The following CLEC11A variants were observed in gnomAD, a reference collection of about 807,000 sequenced individuals.
CLEC11A encodes the protein C-type lectin domain containing 11A.
Under a neutral mutation model 33.9 loss-of-function variants are expected in CLEC11A, and 35 were observed. That is an observed-to-expected ratio of 1.03 (90% CI 0.79 to 1.37). The LOEUF is 1.37. CLEC11A is among the 40% of genes most tolerant of loss of function. The probability of loss-of-function intolerance (pLI) is 0.00; values close to 1 mark genes in which losing one functional copy is unlikely to be tolerated. For synonymous variants in CLEC11A, 220 were observed against 202.2 expected (o/e 1.09, Z -0.75); for missense variants, 519 against 455.5 (o/e 1.14, Z -1.27).
At position 50,723,401 on chromosome 19, in the gene CLEC11A, G is replaced by A. The variant is rs2089156903; in HGVS notation, c.-125G>A. On this transcript the variant is annotated 5_prime_UTR_variant, in exon 1 of 4. Coordinates refer to ENST00000250340, the MANE Select transcript of CLEC11A (RefSeq NM_002975.3). This position sits in a 1 kb window ranked among gnomAD's most constrained non-coding sequence, Gnocchi z 4.1. Reference sequence around the variant, plus strand: ...AGGAACAGGAAGAGAGAAGCTGGGAGAATCGGGAACCTGGGGGCTAGTGAC... The same window carrying A: ...AGGAACAGGAAGAGAGAAGCTGGGAAAATCGGGAACCTGGGGGCTAGTGAC... The A allele has an allele frequency of 3.2e-6, 3 of 928,206 alleles. No homozygotes were observed. The highest frequency in any genetic ancestry group is 3.0e-5 in the South Asian group (2 of 66,668). The allele number at this position is 928,206 out of a possible 1,614,324, so 57.5% of individuals were successfully genotyped here.
In CLEC11A at chr19:50,724,307, G is replaced by GC; in HGVS notation, c.335-101dup. On this transcript the variant is annotated intron_variant, in intron 2 of 3. Coordinates refer to ENST00000250340, the MANE Select transcript of CLEC11A (RefSeq NM_002975.3). This position sits in a 1 kb window ranked among gnomAD's most constrained non-coding sequence, Gnocchi z 4.1. ...AGGAGTCCGGGGTGCCCCCCCCACC[G>GC]CCACCCCGCCCTCAGGAGCCCTAGA... 2.1e-6 allele frequency: 1 copy of GC among 476,460 alleles called. No individual in the cohort carries two copies. Among genetic ancestry groups the GC allele is most frequent in the Non-Finnish European group, 3.3e-6 (1 of 301,716 alleles). 29.5% of individuals were successfully genotyped at this position (476,460 alleles called of 1,614,324 possible).
Position 50,724,554 on chromosome 19 carries a change from T to G in CLEC11A, c.479T>G (p.Leu160Arg). 1 of 1,505,144 alleles carries G rather than the reference T, an allele frequency of 6.6e-7. No homozygotes were observed. Among genetic ancestry groups the G allele is most frequent in the Non-Finnish European group, 8.8e-7 (1 of 1,131,058 alleles). 93.2% of individuals were successfully genotyped at this position (1,505,144 alleles called of 1,614,324 possible). ...AGDTRDAVQA[L>R]QEAQGRAERE... ...GACACCCGCGATGCCGTGCAAGCCCTGCAGGAGGCGCAGGGTCGCGCCGAG... is the reference window on the plus strand; with the variant it reads ...GACACCCGCGATGCCGTGCAAGCCCGGCAGGAGGCGCAGGGTCGCGCCGAG... Residue 160 changes from leucine to arginine, a missense_variant, in exon 3 of 4, where the codon CTG becomes CGG. By Grantham distance (102) the Leu-to-Arg change is moderately radical (BLOSUM62 -2). Coordinates refer to ENST00000250340, the MANE Select transcript of CLEC11A (RefSeq NM_002975.3). This position sits in a 1 kb window ranked among gnomAD's most constrained non-coding sequence, Gnocchi z 4.1.
Position 50,725,213 on chromosome 19 carries a change from C to T in CLEC11A, c.718C>T (p.Leu240=), listed in dbSNP as rs755766827. Residue 240 remains leucine, a synonymous_variant, in exon 4 of 4, where the codon CTG becomes TTG. Coordinates refer to ENST00000250340, the MANE Select transcript of CLEC11A (RefSeq NM_002975.3). Reference sequence around the variant, plus strand: ...CGCTCCCTACAACTGGCCCGTGTGGCTGGGCGTGCACGATCGGCGCGCCGA... The same window carrying T: ...CGCTCCCTACAACTGGCCCGTGTGGTTGGGCGTGCACGATCGGCGCGCCGA... ...ALAPYNWPVW[L]GVHDRRAEGL... The T allele has an allele frequency of 1.9e-6, 3 of 1,594,940 alleles. No individual in the cohort carries two copies. The highest frequency in any genetic ancestry group is 2.7e-5 in the African/African-American group (2 of 74,562).
chr19:50,724,550 G>A lies in CLEC11A; in HGVS notation c.475G>A (p.Ala159Thr). 6.6e-7 allele frequency: 1 copy of A among 1,514,776 alleles called. No individual in the cohort carries two copies. Among genetic ancestry groups the A allele is most frequent in the Non-Finnish European group, 8.8e-7 (1 of 1,136,014 alleles). The allele number at this position is 1,514,776 out of a possible 1,614,324, so 93.8% of individuals were successfully genotyped here. Residue 159 changes from alanine to threonine, a missense_variant, in exon 3 of 4, where the codon GCC becomes ACC. Physicochemically the swap from Ala to Thr is moderately conservative, Grantham distance 58. Coordinates refer to ENST00000250340, the MANE Select transcript of CLEC11A (RefSeq NM_002975.3). The surrounding 1 kb of genome is among the most constrained non-coding windows in gnomAD (Gnocchi z 4.1). The part of the protein sequence containing the change: ...AAGDTRDAVQ[A>T]LQEAQGRAER... ...AGGCGACACCCGCGATGCCGTGCAA[G>A]CCCTGCAGGAGGCGCAGGGTCGCGC...
At position 50,725,190 on chromosome 19, in the gene CLEC11A, C is replaced by A; in HGVS notation, c.695C>A (p.Ala232Asp). 6.3e-7 allele frequency: 1 copy of A among 1,587,112 alleles called. No individual in the cohort carries two copies. Among genetic ancestry groups the A allele is most frequent in the Non-Finnish European group, 8.6e-7 (1 of 1,167,898 alleles). ...ACTCGGTACCTGCGCGCGGCGCTCG[C>A]TCCCTACAACTGGCCCGTGTGGCTG... ...ALTRYLRAALAPYNWPVWLGV... is the reference protein window; with the variant it reads ...ALTRYLRAALDPYNWPVWLGV... Residue 232 changes from alanine (A) to aspartate (D), a missense_variant, in exon 4 of 4, where the codon GCT becomes GAT. Physicochemically the swap from Ala to Asp is moderately radical, Grantham distance 126. Coordinates refer to ENST00000250340, the MANE Select transcript of CLEC11A (RefSeq NM_002975.3).
chr19:50,724,047 G>A lies in CLEC11A; in HGVS notation c.290G>A (p.Gly97Asp). The change falls in exon 2 of 4, where the codon GGC becomes GAC. Residue 97 changes from glycine (G) to aspartate (D), a missense_variant. Physicochemically the swap from Gly to Asp is moderately conservative, Grantham distance 94 (BLOSUM62 -1). Transcript: ENST00000250340. The surrounding 1 kb of genome is among the most constrained non-coding windows in gnomAD (Gnocchi z 4.1). ...GAAGCAACGCCAACCCCATCCTCCGGCCCCAGCCCCTCTCCCACCCCTGAG... is the reference window on the plus strand; with the variant it reads ...GAAGCAACGCCAACCCCATCCTCCGACCCCAGCCCCTCTCCCACCCCTGAG... ...EEEATPTPSS[G>D]PSPSPTPEDI... is the part of the protein sequence containing the mutation. 1 of 1,612,414 alleles carries A rather than the reference G, an allele frequency of 6.2e-7. No homozygotes were observed.
At position 50,724,759 on chromosome 19, in the gene CLEC11A, G is replaced by C. The variant is rs1279027467; in HGVS notation, c.526+158G>C. ...AGAGAGCTGGGAGGCTGAATGCAGG[G>C]AGCGGGTGGGCACTCCAGACCCGCG... On this transcript the variant is annotated intron_variant, in intron 3 of 3. Transcript: ENST00000250340. The surrounding 1 kb of genome is among the most constrained non-coding windows in gnomAD (Gnocchi z 4.1). Among the ~76,000 whole-genome samples the C allele has an allele frequency of 6.6e-6, 1 of 152,036 alleles. No individual in the cohort carries two copies. Among genetic ancestry groups the C allele is most frequent in the African/African-American group, 2.4e-5 (1 of 41,394 alleles).
At position 50,725,342 on chromosome 19, in the gene CLEC11A, C is replaced by G. The variant is rs773299230; in HGVS notation, c.847C>G (p.Leu283Val). ...GAQPSASPHP[L>V]SPDQPNGGTL... ...CCAGCCCAGCGCCTCGCCGCATCCG[C>G]TCAGCCCGGACCAGCCCAACGGTGG... Residue 283 changes from leucine to valine, a missense_variant, in exon 4 of 4, where the codon CTC (leucine) becomes GTC (valine). Leu to Val is a conservative substitution (Grantham distance 32, BLOSUM62 1). Transcript: ENST00000250340. 4 of 1,612,142 alleles carry G rather than the reference C, an allele frequency of 2.5e-6. No homozygotes were observed. The highest frequency in any genetic ancestry group is 1.7e-5 in the Admixed American group (1 of 59,942).
At position 50,724,961 on chromosome 19, in the gene CLEC11A, GC is replaced by G. The variant is rs2089172922; in HGVS notation, c.527-56del. 3.8e-6 allele frequency: 5 copies of G among 1,308,236 alleles called. No homozygotes were observed. Among genetic ancestry groups the G allele is most frequent in the East Asian group, 3.1e-5 (1 of 32,488 alleles). The allele number at this position is 1,308,236 out of a possible 1,614,324, so 81.0% of individuals were successfully genotyped here. On this transcript the variant is annotated intron_variant, in intron 3 of 3. Transcript: ENST00000250340. This position sits in a 1 kb window ranked among gnomAD's most constrained non-coding sequence, Gnocchi z 4.1. ...CTCCACCCCCGGATGTTTTGTCCTC[GC>G]CCCCTTCCAGACTCTGAATGCATGA...
In CLEC11A at chr19:50,725,013, C is replaced by T. The variant is rs999547959; in HGVS notation, c.527-9C>T. 4.5e-5 allele frequency: 66 copies of T among 1,465,528 alleles called. No homozygotes were observed. The highest frequency in any genetic ancestry group is 5.6e-5 in the Non-Finnish European group (62 of 1,112,538). The allele number at this position is 1,465,528 out of a possible 1,614,324, so 90.8% of individuals were successfully genotyped here. A position where few individuals can be genotyped will look rare whatever the true frequency, so the allele number is the denominator to read the frequency against. On this transcript the variant is annotated splice_polypyrimidine_tract_variant and intron_variant, in intron 3 of 3. Transcript: ENST00000250340. Reference sequence around the variant, plus strand: ...CCCCGCCTCCTTCTCTACCCGGCCCCGCCCACAGGCTGCCTGAAGGGGCTG... The same window carrying T: ...CCCCGCCTCCTTCTCTACCCGGCCCTGCCCACAGGCTGCCTGAAGGGGCTG...
Position 50,725,124 on chromosome 19 carries a change from G to T in CLEC11A, c.629G>T (p.Ser210Ile), listed in dbSNP as rs761771291. The change falls in exon 4 of 4, where the codon AGC becomes ATC. Residue 210 changes from serine to isoleucine, a missense_variant. By Grantham distance (142) the Ser-to-Ile change is moderately radical. Transcript: ENST00000250340. ...GCGCGGTGCACGGCGCGGGGCGGGA[G>T]CCTGGCGCAGCCGGCAGACCGCCAG... ...AQARCTARGG[S>I]LAQPADRQQM... 105 of 1,543,398 alleles carry T rather than the reference G, an allele frequency of 6.8e-5. No individual in the cohort carries two copies. Among genetic ancestry groups the T allele is most frequent in the Non-Finnish European group, 8.1e-5 (93 of 1,145,550 alleles).
At position 50,725,635 on chromosome 19, in the gene CLEC11A, C is replaced by T. The variant is rs1003825496; in HGVS notation, c.*168C>T. The T allele has an allele frequency of 8.1e-6, 10 of 1,228,222 alleles. No individual in the cohort carries two copies. In the African/African-American group the frequency reaches 9.2e-5, roughly 11 times the overall value. 76.1% of individuals were successfully genotyped at this position (1,228,222 alleles called of 1,614,324 possible). A position where few individuals can be genotyped will look rare whatever the true frequency, so the allele number is the denominator to read the frequency against. On this transcript the variant is annotated 3_prime_UTR_variant, in exon 4 of 4. Transcript: ENST00000250340. ...GGGCTCTTGCGGTGCCGGCACTCCTCCTTGTTAGTGTCTTTCCTTGAAGGG... is the reference window on the plus strand; with the variant it reads ...GGGCTCTTGCGGTGCCGGCACTCCTTCTTGTTAGTGTCTTTCCTTGAAGGG...
In CLEC11A at chr19:50,725,127, T is replaced by C; in HGVS notation, c.632T>C (p.Leu211Pro). Residue 211 changes from leucine to proline, a missense_variant, in exon 4 of 4, where the codon CTG (leucine) becomes CCG (proline). Leu to Pro is a moderately conservative substitution (Grantham distance 98). Coordinates refer to ENST00000250340, the MANE Select transcript of CLEC11A (RefSeq NM_002975.3). ...QARCTARGGSLAQPADRQQME... is the reference protein window; with the variant it reads ...QARCTARGGSPAQPADRQQME... ...CGGTGCACGGCGCGGGGCGGGAGCC[T>C]GGCGCAGCCGGCAGACCGCCAGCAG... 2 of 1,545,062 alleles carry C rather than the reference T, an allele frequency of 1.3e-6. No homozygotes were observed. The highest frequency in any genetic ancestry group is 1.4e-5 in the African/African-American group (1 of 72,788).
In CLEC11A at chr19:50,725,494, C is replaced by T. The variant is rs756582535; in HGVS notation, c.*27C>T. ...GGGGCCGGTACCCCGCCTCCCTGCC[C>T]ATCCCACCACCCGGCCTTTCCCTGC... On this transcript the variant is annotated 3_prime_UTR_variant, in exon 4 of 4. Coordinates refer to ENST00000250340, the MANE Select transcript of CLEC11A (RefSeq NM_002975.3). 8 of 1,542,188 alleles carry T rather than the reference C, an allele frequency of 5.2e-6. No homozygotes were observed. In the African/African-American group the frequency reaches 5.5e-5, roughly 11 times the overall value.
At position 50,725,103 on chromosome 19, in the gene CLEC11A, G is replaced by T; in HGVS notation, c.608G>T (p.Arg203Leu). Residue 203 changes from arginine to leucine, a missense_variant, in exon 4 of 4, where the codon CGG becomes CTG. Arg to Leu is a moderately radical substitution (Grantham distance 102, BLOSUM62 -2). Transcript: ENST00000250340. ...DFEAQAAAQA[R>L]CTARGGSLAQ... ...GAAGCTCAGGCGGCGGCGCAGGCGC[G>T]GTGCACGGCGCGGGGCGGGAGCCTG... The T allele has an allele frequency of 6.5e-7, 1 of 1,530,030 alleles. No homozygotes were observed. The highest frequency in any genetic ancestry group is 1.2e-5 in the South Asian group (1 of 81,810). 94.8% of individuals were successfully genotyped at this position (1,530,030 alleles called of 1,614,324 possible).
In CLEC11A at chr19:50,723,686, T is replaced by G. The variant is rs755413273; in HGVS notation, c.147+14T>G. The G allele has an allele frequency of 6.4e-7, 1 of 1,563,798 alleles. No individual in the cohort carries two copies. Among genetic ancestry groups the G allele is most frequent in the Admixed American group, 1.8e-5 (1 of 54,154 alleles). On this transcript the variant is annotated intron_variant, in intron 1 of 3. Transcript: ENST00000250340. This position sits in a 1 kb window ranked among gnomAD's most constrained non-coding sequence, Gnocchi z 4.1. Reference sequence around the variant, plus strand: ...CTGATGCTGAAGGTGAGCTCTGGAGTGTCAGGGAGCTATGGGTGGTGAACT... The same window carrying G: ...CTGATGCTGAAGGTGAGCTCTGGAGGGTCAGGGAGCTATGGGTGGTGAACT...
At position 50,724,118 on chromosome 19, in the gene CLEC11A, A is replaced by G. The variant is rs757636946; in HGVS notation, c.334+27A>G. The G allele has an allele frequency of 1.4e-5, 22 of 1,561,312 alleles. No homozygotes were observed. The South Asian group carries it at 2.4e-4, about 17-fold the overall frequency. ...TGAGTAACCAGAAGCCCTCACCCCC[A>G]AACTCCTAGGCCGCCGCGGTCACTT... On this transcript the variant is annotated intron_variant, in intron 2 of 3. Coordinates refer to ENST00000250340, the MANE Select transcript of CLEC11A (RefSeq NM_002975.3). The surrounding 1 kb of genome is among the most constrained non-coding windows in gnomAD (Gnocchi z 4.1).
In CLEC11A at chr19:50,724,079, G is replaced by A. The variant is rs1471280221; in HGVS notation, c.322G>A (p.Val108Ile). 3 of 1,611,040 alleles carry A rather than the reference G, an allele frequency of 1.9e-6. No homozygotes were observed. Among genetic ancestry groups the A allele is most frequent in the African/African-American group, 1.3e-5 (1 of 74,458 alleles). ...PSPSPTPEDI[V>I]TYILGRLAGL... The stretch of plus-strand genomic sequence containing the variant: ...CCCCTCTCCCACCCCTGAGGACATC[G>A]TCACTTACATCCGTGAGTAACCAGA... Residue 108 changes from valine (V) to isoleucine (I), a missense_variant, in exon 2 of 4, where the codon GTC becomes ATC. Physicochemically the swap from Val to Ile is conservative, Grantham distance 29. Transcript: ENST00000250340. The surrounding 1 kb of genome is among the most constrained non-coding windows in gnomAD (Gnocchi z 4.1).
At position 50,723,967 on chromosome 19, in the gene CLEC11A, T is replaced by G. The variant is rs982179501; in HGVS notation, c.210T>G (p.Val70=). Residue 70 remains valine (V), a synonymous_variant, in exon 2 of 4, where the codon GTT becomes GTG. Transcript: ENST00000250340. This position sits in a 1 kb window ranked among gnomAD's most constrained non-coding sequence, Gnocchi z 4.1. ...GGGATGAGAATCCTGCCGGAACTGT[T>G]GAGGGAAAAGAGGACTGGGAGATGG... ...GRGDENPAGT[V]EGKEDWEMEE... The G allele has an allele frequency of 1.2e-6, 2 of 1,613,260 alleles. No individual in the cohort carries two copies. Among genetic ancestry groups the G allele is most frequent in the African/African-American group, 2.7e-5 (2 of 74,720 alleles).
Sources: allele counts gnomAD v4.1 joint callset (sites outside exome capture counted in the v4.1 genomes callset), GRCh38; gene constraint gnomAD v4.1.1; non-coding constraint Gnocchi (gnomAD v3.1); transcripts MANE v1.5; gene names NCBI Gene and HGNC (gene_info 2026-07-23, HGNC 2026-07-21).